Variants in TDRD3 observed in about 807,000 individuals in gnomAD.
TDRD3 encodes tudor domain containing 3, also known as tudor domain-containing protein 3.
Under a neutral mutation model 86.7 loss-of-function variants are expected in TDRD3, and 45 were observed. That is an observed-to-expected ratio of 0.52 (90% CI 0.41 to 0.67). The LOEUF is 0.67. Ranked by LOEUF, TDRD3 falls within the 30% of genes least tolerant of loss-of-function variation. The probability of loss-of-function intolerance (pLI) is 0.00; values close to 1 mark genes in which losing one functional copy is unlikely to be tolerated. For missense variants in TDRD3, 814 were observed against 889.0 expected, an observed-to-expected ratio of 0.92 and a Z score of 1.07; for synonymous variants, 298 against 301.7, an observed-to-expected ratio of 0.99 and a Z score of 0.13.
chr13:60,490,523 A>G (rs1004167593), intron 7 of TDRD3, among the ~76,000 whole-genome samples: 1 of 152,188 alleles, frequency 6.6e-6, no homozygotes, highest in African/African-American at 2.4e-5. Context: ...AAGACATTGT[A>G]CTTCATTCAA....
At chr13:60,569,494 ACT>A (rs1958535173) in intron 13 of TDRD3, among the ~76,000 whole-genome samples, 1 of 152,196 alleles carries the variant, frequency 6.6e-6, no homozygotes. Context: ...AAATGACAGT[ACT>A]ACCCAAAGCA....
chr13:60,406,159 C>T (rs930918187), intron 1 of TDRD3, among the ~76,000 whole-genome samples: 3 of 152,104 alleles, frequency 2.0e-5, no homozygotes, highest in African/African-American at 7.2e-5. Flanking sequence ...ATCTTGCACT[C>T]AGAAGAGAAG....
chr13:60,486,435 A>G (rs1188030649), intron 7 of TDRD3, among the ~76,000 whole-genome samples: 1 of 152,170 alleles, frequency 6.6e-6, no homozygotes, highest in Non-Finnish European at 1.5e-5. Flanking sequence ...ATAGTAAAAA[A>G]TAATTTTATC....
intron 12 of TDRD3, chr13:60,536,646 T>C (rs1287064104): frequency 6.6e-6 from 1 of 152,120 alleles, no homozygotes; most frequent in Non-Finnish European, 1.5e-5. Flanking sequence ...CAGTCAAAGA[T>C]TGAAAATACA....
intron 6 of TDRD3, among the ~76,000 whole-genome samples, chr13:60,485,077 G>A (rs1009358155): frequency 6.6e-6 from 1 of 151,982 alleles, no homozygotes; most frequent in Non-Finnish European, 1.5e-5. Context: ...TGCTGACTGT[G>A]TATTTATTGG....
chr13:60,461,811 A>G (rs932406038), intron 4 of TDRD3, among the ~76,000 whole-genome samples: 4 of 152,158 alleles, frequency 2.6e-5, no homozygotes, highest in Non-Finnish European at 4.4e-5. Context: ...GGTAACCAGG[A>G]GTGGGGTTAA....
chr13:60,431,185 C>T (rs1954945379), intron 1 of TDRD3, among the ~76,000 whole-genome samples: 1 of 151,716 alleles, frequency 6.6e-6, no homozygotes, highest in African/African-American at 2.4e-5. Context: ...CTTTGTTATC[C>T]CTACTCTCCA....
At chr13:60,412,595 A>G (rs1052854403) in intron 1 of TDRD3, among the ~76,000 whole-genome samples, 1 of 152,120 alleles carries the variant, frequency 6.6e-6, no homozygotes, top group African/African-American at 2.4e-5. Flanking sequence ...TAATGAAATG[A>G]TGCCTTCTTT....
At chr13:60,405,109 G>T (rs191611762) in intron 1 of TDRD3, among the ~76,000 whole-genome samples, 1 of 152,028 alleles carries the variant, frequency 6.6e-6, no homozygotes, top group Non-Finnish European at 1.5e-5. Flanking sequence ...TAAATTGCCC[G>T]GTCTCAGGTA....
At chr13:60,519,857 A>T (rs942389553) in intron 10 of TDRD3, among the ~76,000 whole-genome samples, 24 of 151,978 alleles carry the variant, frequency 1.6e-4, no homozygotes, top group African/African-American at 5.8e-4. Context: ...TAAACTAGAA[A>T]TTTTTTTCTT....
chr13:60,417,890 TC>T (rs1316675081), intron 1 of TDRD3, among the ~76,000 whole-genome samples: 1 of 152,162 alleles, frequency 6.6e-6, no homozygotes, highest in Non-Finnish European at 1.5e-5. Flanking sequence ...TTTTTCCTAT[TC>T]ACTCATATCT....
chr13:60,540,127 C>T (rs1957778086), intron 12 of TDRD3, among the ~76,000 whole-genome samples: 1 of 152,184 alleles, frequency 6.6e-6, no homozygotes, highest in East Asian at 1.9e-4. Flanking sequence ...ATTTTTCATA[C>T]TTACTGGTTC....
At chr13:60,534,788 T>A (rs1019568744) in intron 11 of TDRD3, among the ~76,000 whole-genome samples, 8 of 151,130 alleles carry the variant, frequency 5.3e-5, no homozygotes, top group African/African-American at 1.7e-4. Context: ...ATTAGCCAGG[T>A]GTGGTGGCAC....
intron 8 of TDRD3, among the ~76,000 whole-genome samples, chr13:60,495,303 A>C (rs1956689413): frequency 6.6e-6 from 1 of 152,214 alleles, no homozygotes; most frequent in African/African-American, 2.4e-5. Flanking sequence ...GTGTTATGTA[A>C]CTGCTCAATG....
chr13:60,566,294 T>A (rs1270602349), intron 12 of TDRD3, among the ~76,000 whole-genome samples: 30 of 151,898 alleles, frequency 2.0e-4, no homozygotes, highest in Admixed American at 2.0e-3. Flanking sequence ...CTTTGCAGGA[T>A]GTCTAAAATG....
chr13:60,564,695 A>T (rs185752283), intron 12 of TDRD3, among the ~76,000 whole-genome samples: 2,951 of 152,294 alleles, frequency 0.019, 42 homozygotes, highest in Non-Finnish European at 0.03. Flanking sequence ...CAGATTTTTT[A>T]AAAAATGTTT....
At chr13:60,568,232 G>T (rs1400078626) in intron 13 of TDRD3, among the ~76,000 whole-genome samples, 1 of 152,122 alleles carries the variant, frequency 6.6e-6, no homozygotes, top group Non-Finnish European at 1.5e-5. Context: ...AGTCTGCCTA[G>T]AGTGGAAGTC....
At chr13:60,492,703 T>G (rs1956613868) in intron 7 of TDRD3, among the ~76,000 whole-genome samples, 1 of 152,158 alleles carries the variant, frequency 6.6e-6, no homozygotes, top group Non-Finnish European at 1.5e-5. Flanking sequence ...TGGGATTCCA[T>G]AAACCCAAAA....
At chr13:60,535,399 G>T in intron 12 of TDRD3, 166 bp downstream of exon 12, 5 of 575,900 alleles carry the variant, frequency 8.7e-6, no homozygotes, top group Non-Finnish European at 7.7e-6. Flanking sequence ...TACACTGAAT[G>T]AACTACAATA....
Sources: gnomAD v4.1 joint callset for allele counts (sites outside exome capture counted in the v4.1 genomes callset) on GRCh38, gnomAD v4.1.1 for gene constraint, MANE v1.5 for transcripts, NCBI Gene and HGNC (gene_info 2026-07-23, HGNC 2026-07-21) for gene names.